Variants in TENM1 observed in about 807,000 individuals in gnomAD.
TENM1 encodes the protein teneurin transmembrane protein 1, also known as teneurin-1.
In TENM1, 35 loss-of-function variants were observed where a neutral mutation model predicts 174.8. The ratio of observed to expected loss-of-function variants is 0.20; its 90% CI spans 0.15 to 0.27. The LOEUF (loss-of-function observed/expected upper bound fraction) is 0.27, where lower values mean the gene tolerates loss of function less well. Ranked by LOEUF, TENM1 falls within the 10% of genes least tolerant of loss-of-function variation. The pLI, the probability that TENM1 is intolerant of heterozygous loss-of-function variation, is 1.00. For synonymous variants in TENM1, 781 were observed against 798.7 expected (o/e 0.98, Z 0.37); for missense variants, 1,633 against 2,130.1 (o/e 0.77, Z 4.59).
the TENM1 span, among the ~76,000 whole-genome samples, chrX:125,194,310 T>C: frequency 2.7e-5 from 3 of 111,584 alleles, no homozygotes; most frequent in Non-Finnish European, 1.9e-5. Flanking sequence ...CCGAGAATCA[T>C]TGATTCTACC....
intron 14 of TENM1, among the ~76,000 whole-genome samples, chrX:124,552,106 C>A (rs1399486231): frequency 8.9e-6 from 1 of 111,899 alleles, no homozygotes; most frequent in Non-Finnish European, 1.9e-5. Context: ...GAATTTGTCA[C>A]CATTTGGACA....
intron 27 of TENM1, among the ~76,000 whole-genome samples, chrX:124,403,138 A>AT (rs894601989): frequency 9.0e-6 from 1 of 110,665 alleles, no homozygotes; most frequent in African/African-American, 3.3e-5. Context: ...CAGTAGCTTT[A>AT]TAAAAAAAAA....
chrX:124,550,150 T>C (rs2048527565), intron 14 of TENM1, among the ~76,000 whole-genome samples: 1 of 111,660 alleles, frequency 9.0e-6, no homozygotes, highest in Non-Finnish European at 1.9e-5. Flanking sequence ...CTTTGCCAGT[T>C]GGCTCAATTG....
intron 1 of TENM1, among the ~76,000 whole-genome samples, chrX:124,958,760 G>A (rs751826816): frequency 3.7e-4 from 41 of 111,455 alleles, no homozygotes; most frequent in Non-Finnish European, 5.6e-4. Flanking sequence ...GGATAATAGC[G>A]CATACCTCAT....
At chrX:124,382,082 A>G (rs1327621089) in intron 31 of TENM1, among the ~76,000 whole-genome samples, 2 of 111,339 alleles carry the variant, frequency 1.8e-5, no homozygotes, top group Non-Finnish European at 3.8e-5. Context: ...ACAGATATTC[A>G]TATTTCTTTC....
At chrX:124,430,729 C>A (rs1023520123) in intron 23 of TENM1, among the ~76,000 whole-genome samples, 2 of 111,783 alleles carry the variant, frequency 1.8e-5, no homozygotes, top group African/African-American at 6.5e-5. Flanking sequence ...CCTTGTTTAT[C>A]TATGCCATTC....
At chrX:124,837,910 A>G (rs779374178) in intron 3 of TENM1, among the ~76,000 whole-genome samples, 4,060 of 112,264 alleles carry the variant, frequency 0.036, 98 homozygotes, top group African/African-American at 0.08. Flanking sequence ...TCATTTTATG[A>G]ACATGTATTG....
intron 3 of TENM1, among the ~76,000 whole-genome samples, chrX:124,816,128 T>C (rs1344972437): frequency 8.9e-6 from 1 of 111,838 alleles, no homozygotes; most frequent in Non-Finnish European, 1.9e-5. Context: ...AAGATAATCA[T>C]ATAGCTGCCA....
intron 4 of TENM1, among the ~76,000 whole-genome samples, chrX:124,729,589 A>G (rs7057930): frequency 0.18 from 19,816 of 111,565 alleles, 2,527 homozygotes; most frequent in African/African-American, 0.45. Context: ...TAATCTAGAC[A>G]TTGGGAATTT....
intron 11 of TENM1, among the ~76,000 whole-genome samples, chrX:124,571,190 C>T (rs1280991048): frequency 3.6e-5 from 4 of 111,413 alleles, no homozygotes; most frequent in Non-Finnish European, 7.6e-5. Flanking sequence ...AATCAATAAA[C>T]AAAAAGATAA....
intron 22 of TENM1, among the ~76,000 whole-genome samples, chrX:124,455,627 G>A (rs1254219178): frequency 9.0e-6 from 1 of 111,435 alleles, no homozygotes; most frequent in Non-Finnish European, 1.9e-5. Flanking sequence ...CGACATGTAC[G>A]AAATCATGAA....
chrX:124,419,554 G>A (rs964521563), intron 25 of TENM1, among the ~76,000 whole-genome samples: 1 of 112,093 alleles, frequency 8.9e-6, no homozygotes, highest in Non-Finnish European at 1.9e-5. Context: ...AAGGACAATG[G>A]TCTCTATTTC....
Position 124,518,069 on chromosome X carries a change from G to A in TENM1, c.3301+2448C>T, listed in dbSNP as rs185308261. Among the ~76,000 whole-genome samples the A allele has an allele frequency of 2.7e-3, 298 of 110,762 alleles. 2 individuals carry two copies. The highest frequency in any genetic ancestry group is 9.4e-3 in the Middle Eastern group (2 of 213). ...TAAGAGAATTATCAAGGAAGGGAGA[G>A]CCACCTAAGCACTGGCATAACTGGT... is the stretch of plus-strand genomic sequence containing the variant. On this transcript the variant is annotated intron_variant, in intron 18 of 31. Transcript: ENST00000422452.
At chrX:124,985,018 G>A in the TENM1 span, among the ~76,000 whole-genome samples, 1 of 111,662 alleles carries the variant, frequency 9.0e-6, no homozygotes, top group Non-Finnish European at 1.9e-5. Context: ...AAATATCAAA[G>A]GTTAAAAATG....
chrX:124,686,076 C>T (rs2052357700), intron 5 of TENM1, among the ~76,000 whole-genome samples: 1 of 108,706 alleles, frequency 9.2e-6, no homozygotes, highest in African/African-American at 3.5e-5. Flanking sequence ...CACAAGTTAA[C>T]AACAAAAGAG....
At chrX:125,193,928 A>G in the TENM1 span, among the ~76,000 whole-genome samples, 1 of 110,493 alleles carries the variant, frequency 9.1e-6, no homozygotes, top group South Asian at 3.9e-4. Flanking sequence ...GGGACTAAAG[A>G]GATGTACCAC....
At chrX:124,462,440 TG>T (rs1569532927) in intron 22 of TENM1, among the ~76,000 whole-genome samples, 4 of 5,248 alleles carry the variant, frequency 7.6e-4, no homozygotes, top group African/African-American at 1.6e-3. Flanking sequence ...GTGGGGGGGG[TG>T]GGGGTGGGGG....
At chrX:124,541,339 G>A (rs754665189) in intron 15 of TENM1, among the ~76,000 whole-genome samples, 1 of 112,393 alleles carries the variant, frequency 8.9e-6, no homozygotes, top group East Asian at 2.8e-4. Context: ...TGGATTTCTC[G>A]TGAATGGTTT....
intron 3 of TENM1, among the ~76,000 whole-genome samples, chrX:124,763,633 C>G (rs1003074554): frequency 9.9e-5 from 11 of 111,617 alleles, no homozygotes; most frequent in African/African-American, 3.6e-4. Context: ...AATAATCACT[C>G]CACAAATATT....
Sources: allele counts gnomAD v4.1 joint callset (sites outside exome capture counted in the v4.1 genomes callset), GRCh38; gene constraint gnomAD v4.1.1; transcripts MANE v1.5; gene names NCBI Gene and HGNC (gene_info 2026-07-23, HGNC 2026-07-21).